The following LRRTM4 variants were observed in gnomAD, a reference collection of about 807,000 sequenced individuals.
LRRTM4 encodes the protein leucine rich repeat transmembrane neuronal 4.
LRRTM4 carries 25 observed loss-of-function variants against 47.6 expected under a neutral mutation model. That is an observed-to-expected ratio of 0.53 (90% CI 0.38 to 0.73). The LOEUF is 0.73. Ranked by LOEUF, LRRTM4 falls within the 30% of genes least tolerant of loss-of-function variation. LRRTM4 has a pLI of 0.00. For synonymous variants in LRRTM4, 311 were observed against 269.5 expected (o/e 1.15, Z -1.51); for missense variants, 638 against 713.4 (o/e 0.89, Z 1.20).
At chr2:76,988,478 C>G (rs1573409951) in intron 3 of LRRTM4, among the ~76,000 whole-genome samples, 1 of 151,780 alleles carries the variant, frequency 6.6e-6, no homozygotes, top group Non-Finnish European at 1.5e-5. Context: ...CCAGTCTACA[C>G]AAGAGTTTTC....
At chr2:76,789,119 G>A (rs7585584) in intron 3 of LRRTM4, among the ~76,000 whole-genome samples, 80,761 of 151,862 alleles carry the variant, frequency 0.53, 22,144 homozygotes, top group Admixed American at 0.63. Context: ...CTAAGTTCCA[G>A]CCCACGCTGC....
chr2:76,984,691 C>T (rs1676732886), intron 3 of LRRTM4, among the ~76,000 whole-genome samples: 1 of 151,972 alleles, frequency 6.6e-6, no homozygotes, highest in Non-Finnish European at 1.5e-5. Context: ...GCCTGAAACA[C>T]TGGAGATATG....
chr2:76,751,380 A>G (rs1672844161), intron 3 of LRRTM4, among the ~76,000 whole-genome samples: 1 of 152,186 alleles, frequency 6.6e-6, no homozygotes, highest in Non-Finnish European at 1.5e-5. Flanking sequence ...TTCTCATCAA[A>G]CAAGCTATTG....
chr2:77,441,437 C>G (rs1481400153), intron 3 of LRRTM4, among the ~76,000 whole-genome samples: 1 of 152,140 alleles, frequency 6.6e-6, no homozygotes, highest in East Asian at 1.9e-4. Flanking sequence ...TGCTTACAAT[C>G]ACCTAATAAG....
intron 3 of LRRTM4, among the ~76,000 whole-genome samples, chr2:76,806,156 A>G (rs1180475537): frequency 6.6e-6 from 1 of 152,218 alleles, no homozygotes; most frequent in African/African-American, 2.4e-5. Flanking sequence ...AATGAGGTTG[A>G]TATTTCAAAT....
intron 3 of LRRTM4, among the ~76,000 whole-genome samples, chr2:76,939,131 C>G (rs1278345175): frequency 1.3e-5 from 2 of 148,724 alleles, no homozygotes; most frequent in Non-Finnish European, 3.0e-5. Context: ...TAGCAATTTT[C>G]TTTTACTGGT....
intron 3 of LRRTM4, among the ~76,000 whole-genome samples, chr2:77,273,989 C>T (rs776820502): frequency 6.6e-6 from 1 of 151,906 alleles, no homozygotes; most frequent in Non-Finnish European, 1.5e-5. Context: ...TTAAGTGTCT[C>T]CTAAAAATAG....
rs918578439 is a variant in LRRTM4, at chr2:76,751,253, G to A, written c.1552-2337C>T. Among the ~76,000 whole-genome samples, 3 of 152,230 alleles carry A rather than the reference G, an allele frequency of 2.0e-5. No individual in the cohort carries two copies. In the East Asian group the frequency reaches 5.8e-4, roughly 29 times the overall value. On this transcript the variant is annotated intron_variant, in intron 3 of 3. Transcript: ENST00000409884. The stretch of plus-strand genomic sequence containing the variant: ...TGTATAATTCACTGTTTTTCACAAT[G>A]AGTTGGAAAATTAAATCAATATGTA...
At chr2:76,763,898 C>A (rs573559767) in intron 3 of LRRTM4, among the ~76,000 whole-genome samples, 1 of 152,190 alleles carries the variant, frequency 6.6e-6, no homozygotes, top group African/African-American at 2.4e-5. Flanking sequence ...TATATATATT[C>A]TTTTTAGAGA....
chr2:76,993,878 G>C lies in LRRTM4; in HGVS notation c.1552-244962C>G, dbSNP rs1054113977. On this transcript the variant is annotated intron_variant, in intron 3 of 3. Transcript: ENST00000409884. ...CTAGGTGTCCACCATTCATGGATTTGATAAAGAAAAATTTGGTACATATAC... is the reference window on the plus strand; with the variant it reads ...CTAGGTGTCCACCATTCATGGATTTCATAAAGAAAAATTTGGTACATATAC... Among the ~76,000 whole-genome samples the C allele has an allele frequency of 3.3e-5, 5 of 152,012 alleles. No individual in the cohort carries two copies. In the South Asian group the frequency reaches 1.0e-3, roughly 31 times the overall value.
At chr2:77,240,866 G>C (rs1675239838) in intron 3 of LRRTM4, among the ~76,000 whole-genome samples, 1 of 151,824 alleles carries the variant, frequency 6.6e-6, no homozygotes, top group Non-Finnish European at 1.5e-5. Flanking sequence ...TACAAAATCT[G>C]TATGCTGAAT....
At chr2:77,126,148 A>G (rs1421572225) in intron 3 of LRRTM4, among the ~76,000 whole-genome samples, 4 of 151,924 alleles carry the variant, frequency 2.6e-5, no homozygotes, top group Non-Finnish European at 5.9e-5. Flanking sequence ...CCCCCACTCA[A>G]TTATTTTTTT....
At position 77,299,847 on chromosome 2, in the gene LRRTM4, A is replaced by ATTTT. The variant is rs145008759; in HGVS notation, c.1551+218467_1551+218470dup. ...TGTGAGGACATGATGTAAGGTAATG[A>ATTTT]TTTTTTTTTTTTTTTTTTTTTTTTG... On this transcript the variant is annotated intron_variant, in intron 3 of 3. Coordinates refer to ENST00000409884, the MANE Select transcript of LRRTM4 (RefSeq NM_001134745.3). Among the ~76,000 whole-genome samples the ATTTT allele has an allele frequency of 4.1e-3, 463 of 114,150 alleles. 6 individuals are homozygous for ATTTT. Among genetic ancestry groups the ATTTT allele is most frequent in the African/African-American group, 0.015 (445 of 29,722 alleles). 74.9% of individuals were successfully genotyped at this position (114,150 alleles called of 152,430 possible).
At chr2:77,072,906 A>G (rs1487870513) in intron 3 of LRRTM4, among the ~76,000 whole-genome samples, 1 of 151,880 alleles carries the variant, frequency 6.6e-6, no homozygotes, top group Admixed American at 6.6e-5. Context: ...ACCATAGAAG[A>G]CTTTGGAAGA....
chr2:77,519,511 T>C lies in LRRTM4; in HGVS notation c.358A>G (p.Lys120Glu), dbSNP rs1348500475. 1 of 1,613,440 alleles carries C rather than the reference T, an allele frequency of 6.2e-7. No homozygotes were observed. Among genetic ancestry groups the C allele is most frequent in the Non-Finnish European group, 8.5e-7 (1 of 1,179,628 alleles). ...GTTTTATTGTGCAGATAAGTAATTT[T>C]GTTGGAGCTTAGAATTAATTCTTTC... ...RLKELILSSN[K>E]ITYLHNKTFH... The change falls in exon 3 of 4, where the codon AAA becomes GAA. Residue 120 changes from lysine to glutamate, a missense_variant. Physicochemically the swap from Lys to Glu is moderately conservative, Grantham distance 56. Coordinates refer to ENST00000409884, the MANE Select transcript of LRRTM4 (RefSeq NM_001134745.3). The surrounding 1 kb of genome is among the most constrained non-coding windows in gnomAD (Gnocchi z 4.6).
chr2:76,881,752 TTC>T (rs1203993160), intron 3 of LRRTM4, among the ~76,000 whole-genome samples: 19 of 152,104 alleles, frequency 1.2e-4, no homozygotes, highest in Non-Finnish European at 2.2e-4. Context: ...TTTCCCCATT[TTC>T]TCTCTCATTT....
At chr2:77,125,632 G>C (rs965007240) in intron 3 of LRRTM4, among the ~76,000 whole-genome samples, 1 of 151,906 alleles carries the variant, frequency 6.6e-6, no homozygotes, top group African/African-American at 2.4e-5. Flanking sequence ...TGTGCTTTTT[G>C]TCTCCACAAT....
At chr2:77,375,761 G>A (rs1672815495) in intron 3 of LRRTM4, among the ~76,000 whole-genome samples, 1 of 151,596 alleles carries the variant, frequency 6.6e-6, no homozygotes, top group Admixed American at 6.6e-5. Context: ...CATACGGCCG[G>A]ATTTCTTTCT....
At chr2:77,516,212 A>T (rs943995740) in intron 3 of LRRTM4, among the ~76,000 whole-genome samples, 11 of 151,896 alleles carry the variant, frequency 7.2e-5, no homozygotes, top group Admixed American at 7.2e-4. Context: ...TTCATTTTCA[A>T]CAATACTAGT....
Sources: allele counts gnomAD v4.1 joint callset (sites outside exome capture counted in the v4.1 genomes callset), GRCh38; gene constraint gnomAD v4.1.1; non-coding constraint Gnocchi (gnomAD v3.1); transcripts MANE v1.5; gene names NCBI Gene and HGNC (gene_info 2026-07-23, HGNC 2026-07-21).